Variants in SLC24A3 observed in about 807,000 individuals in gnomAD.
SLC24A3 encodes solute carrier family 24 member 3.
Under a neutral mutation model 75.8 loss-of-function variants are expected in SLC24A3, and 28 were observed. That is an observed-to-expected ratio of 0.37 (90% confidence interval 0.27 to 0.51). SLC24A3 has a LOEUF of 0.51. Among genes scored for constraint, SLC24A3 ranks in the 20% least tolerant of loss-of-function variants. The pLI, the probability that SLC24A3 is intolerant of heterozygous loss-of-function variation, is 0.94. For synonymous variants in SLC24A3, 372 were observed against 334.1 expected, an observed-to-expected ratio of 1.11 and a Z score of -1.24; for missense variants, 663 against 847.8, an observed-to-expected ratio of 0.78 and a Z score of 2.71.
intron 9 of SLC24A3, among the ~76,000 whole-genome samples, chr20:19,678,164 C>A (rs1441438194): frequency 1.5e-4 from 22 of 150,694 alleles, no homozygotes; most frequent in African/African-American, 3.9e-4. Flanking sequence ...ACCTTTCCCC[C>A]CTTTCTATTC....
chr20:19,260,723 G>C lies in SLC24A3; in HGVS notation c.143-20236G>C, dbSNP rs1000101497. On this transcript the variant is annotated intron_variant, in intron 1 of 16. Coordinates refer to ENST00000328041, the MANE Select transcript of SLC24A3 (RefSeq NM_020689.4). ...CAAAAAAGATTGAGGCTATGAGACT[G>C]CTGTCCTCCTCTGCCACCCTTTGCA... Among the ~76,000 whole-genome samples, 5 of 152,332 alleles carry C rather than the reference G, an allele frequency of 3.3e-5. No homozygotes were observed. In the South Asian group the frequency reaches 8.3e-4, roughly 25 times the overall value.
At chr20:19,291,567 T>G (rs1310635079) in intron 2 of SLC24A3, among the ~76,000 whole-genome samples, 2 of 152,258 alleles carry the variant, frequency 1.3e-5, no homozygotes, top group Non-Finnish European at 2.9e-5. Context: ...CTTCTGAGGT[T>G]CCTGATAGAG....
Position 19,340,205 on chromosome 20 carries a change from G to T in SLC24A3, c.271+59118G>T, listed in dbSNP as rs143823903. Among the ~76,000 whole-genome samples, 4 of 152,308 alleles carry T rather than the reference G, an allele frequency of 2.6e-5. No homozygotes were observed. In the East Asian group the frequency reaches 7.7e-4, roughly 29 times the overall value. ...AGTTTATTAGTATCGTACTAATTCA[G>T]CATGCCAGGTGTCCTGATAAAAAGG... On this transcript the variant is annotated intron_variant, in intron 2 of 16. Coordinates refer to ENST00000328041, the MANE Select transcript of SLC24A3 (RefSeq NM_020689.4).
At chr20:19,648,555 A>C (rs1057024011) in intron 6 of SLC24A3, among the ~76,000 whole-genome samples, 3 of 151,716 alleles carry the variant, frequency 2.0e-5, no homozygotes, top group African/African-American at 4.8e-5. Context: ...AGTTATCATA[A>C]ATATTATATA....
intron 2 of SLC24A3, among the ~76,000 whole-genome samples, chr20:19,366,784 G>A (rs372189484): frequency 2.6e-5 from 4 of 151,978 alleles, no homozygotes; most frequent in Non-Finnish European, 5.9e-5. Flanking sequence ...GAAATGAAGC[G>A]TGCAAAATAT....
intron 2 of SLC24A3, among the ~76,000 whole-genome samples, chr20:19,514,732 C>T (rs186846318): frequency 3.3e-5 from 5 of 152,248 alleles, no homozygotes; most frequent in East Asian, 1.9e-4. Context: ...TTCTTGGGAC[C>T]GTCAGTTCAC....
chr20:19,310,305 C>T (rs1028398918), intron 2 of SLC24A3, among the ~76,000 whole-genome samples: 1 of 152,164 alleles, frequency 6.6e-6, no homozygotes, highest in African/African-American at 2.4e-5. Context: ...CAGCCCCCAC[C>T]AGGAAAATGC....
chr20:19,453,246 TG>T (rs1987521863), intron 2 of SLC24A3, among the ~76,000 whole-genome samples: 1 of 151,810 alleles, frequency 6.6e-6, no homozygotes, highest in African/African-American at 2.4e-5. Context: ...GCTACTCAGG[TG>T]ACTGAGGCAG....
intron 3 of SLC24A3, among the ~76,000 whole-genome samples, chr20:19,544,402 C>T (rs1303428781): frequency 6.6e-6 from 1 of 152,096 alleles, no homozygotes; most frequent in Non-Finnish European, 1.5e-5. Flanking sequence ...TTCCAGCTAT[C>T]CAGATGTTAC....
At chr20:19,490,203 G>A (rs936032519) in intron 2 of SLC24A3, among the ~76,000 whole-genome samples, 2 of 152,156 alleles carry the variant, frequency 1.3e-5, no homozygotes, top group Non-Finnish European at 2.9e-5. Flanking sequence ...ATGGTAATGA[G>A]ATGGAAACCA....
intron 2 of SLC24A3, among the ~76,000 whole-genome samples, chr20:19,447,090 T>C (rs1038960516): frequency 2.6e-5 from 4 of 152,130 alleles, no homozygotes; most frequent in Admixed American, 6.5e-5. Flanking sequence ...CCAAGATAGA[T>C]TTGAGTATCA....
intron 2 of SLC24A3, among the ~76,000 whole-genome samples, chr20:19,441,817 G>A (rs1284207352): frequency 6.6e-6 from 1 of 151,974 alleles, no homozygotes; most frequent in African/African-American, 2.4e-5. Flanking sequence ...AATCCTCAGT[G>A]CTCTGCTAAT....
intron 2 of SLC24A3, among the ~76,000 whole-genome samples, chr20:19,433,029 T>C (rs1243095644): frequency 1.3e-5 from 2 of 152,218 alleles, no homozygotes; most frequent in Non-Finnish European, 2.9e-5. Context: ...TTAGAAGGAC[T>C]ATATTTCATT....
At chr20:19,425,136 C>T in intron 2 of SLC24A3, among the ~76,000 whole-genome samples, 1 of 152,120 alleles carries the variant, frequency 6.6e-6, no homozygotes, top group East Asian at 1.9e-4. Context: ...AACCCCGTCT[C>T]TACTAAAAAT....
chr20:19,661,218 T>A (rs1171897707), intron 7 of SLC24A3, among the ~76,000 whole-genome samples: 2 of 152,212 alleles, frequency 1.3e-5, no homozygotes, highest in Non-Finnish European at 2.9e-5. Flanking sequence ...CCTGCCTTCA[T>A]ATATTTATAC....
chr20:19,591,951 T>C (rs528907524), intron 6 of SLC24A3, among the ~76,000 whole-genome samples: 2 of 152,258 alleles, frequency 1.3e-5, no homozygotes, highest in African/African-American at 2.4e-5. Flanking sequence ...GGACATATGC[T>C]CTCATTTCTT....
At chr20:19,439,247 C>T (rs1452157530) in intron 2 of SLC24A3, among the ~76,000 whole-genome samples, 1 of 152,226 alleles carries the variant, frequency 6.6e-6, no homozygotes, top group African/African-American at 2.4e-5. Flanking sequence ...GGCAGCCATC[C>T]CAGGTCTGGG....
intron 2 of SLC24A3, among the ~76,000 whole-genome samples, chr20:19,343,340 T>A (rs1374035702): frequency 2.0e-5 from 3 of 152,084 alleles, no homozygotes; most frequent in African/African-American, 7.2e-5. Context: ...GGCAAGTCAG[T>A]TTACATCACC....
rs562287066 is a variant in SLC24A3 at position 19,275,840 on chromosome 20, A to G, written c.143-5119A>G. On this transcript the variant is annotated intron_variant, in intron 1 of 16. Transcript: ENST00000328041. ...TGGCCCACTCCTGTCCCCTCTTCTT[A>G]GAGCCTGCAGTCCTGCAGACTGCCT... Among the ~76,000 whole-genome samples the G allele has an allele frequency of 2.0e-5, 3 of 152,182 alleles. No individual in the cohort carries two copies. The South Asian group carries it at 6.2e-4, about 32-fold the overall frequency.
Sources: gnomAD v4.1 joint callset for allele counts (sites outside exome capture counted in the v4.1 genomes callset) on GRCh38, gnomAD v4.1.1 for gene constraint, MANE v1.5 for transcripts, NCBI Gene and HGNC (gene_info 2026-07-23, HGNC 2026-07-21) for gene names.